The following PLAA variants were observed in gnomAD, a reference collection of about 807,000 sequenced individuals.
The protein encoded by PLAA is phospholipase A2 activating protein.
PLAA carries 48 observed loss-of-function variants against 84.1 expected under a neutral mutation model. The observed-to-expected ratio is 0.57, with a 90% CI of 0.45 to 0.73. The LOEUF is 0.73. PLAA is among the 30% of genes least tolerant of loss of function. The probability of loss-of-function intolerance (pLI) is 0.00; values close to 1 mark genes in which losing one functional copy is unlikely to be tolerated. For synonymous variants in PLAA, 392 were observed against 336.6 expected, an observed-to-expected ratio of 1.16 and a Z score of -1.80; for missense variants, 903 against 954.7, an observed-to-expected ratio of 0.95 and a Z score of 0.71.
intron 1 of PLAA, among the ~76,000 whole-genome samples, chr9:26,941,916 G>C (rs1375674620): frequency 1.3e-5 from 2 of 151,980 alleles, no homozygotes; most frequent in Non-Finnish European, 2.9e-5. Context: ...ATATTAAAAG[G>C]GCCCGCCAAT....
chr9:26,919,165 G>C (rs572746973), intron 9 of PLAA, 145 bp downstream of exon 9: 2 of 509,428 alleles, frequency 3.9e-6, no homozygotes, highest in South Asian at 3.9e-5. Flanking sequence ...ATCATTTGAG[G>C]CTTAAACATA....
chr9:26,946,810 G>T, intron 1 of PLAA, 87 bp downstream of exon 1: 2 of 1,410,324 alleles, frequency 1.4e-6, no homozygotes, highest in Middle Eastern at 1.8e-4. Flanking sequence ...AGAGAGAGAC[G>T]GCAGGACTGA....
At chr9:26,907,446 G>A (rs574861749) in intron 13 of PLAA, among the ~76,000 whole-genome samples, 10 of 151,770 alleles carry the variant, frequency 6.6e-5, no homozygotes, top group South Asian at 6.3e-4. Flanking sequence ...GGAGAACGGC[G>A]TGAACCCGGG....
In PLAA at chr9:26,905,436, A is replaced by T; in HGVS notation, c.*75T>A. On this transcript the variant is annotated 3_prime_UTR_variant, in exon 14 of 14. Transcript: ENST00000397292. Reference sequence around the variant, plus strand: ...TCCACCGTATTCTCTTTTTTTAATTATCTGTTATCAGTCATGTCAAATGTG... The same window carrying T: ...TCCACCGTATTCTCTTTTTTTAATTTTCTGTTATCAGTCATGTCAAATGTG... The T allele has an allele frequency of 1.8e-6, 2 of 1,081,684 alleles. No homozygotes were observed. The highest frequency in any genetic ancestry group is 4.6e-5 in the Admixed American group (2 of 43,152). 67.0% of individuals were successfully genotyped at this position (1,081,684 alleles called of 1,614,324 possible). A position where few individuals can be genotyped will look rare whatever the true frequency, so the allele number is the denominator to read the frequency against.
chr9:26,913,459 T>C (rs181907637), intron 11 of PLAA, among the ~76,000 whole-genome samples: 3 of 152,262 alleles, frequency 2.0e-5, no homozygotes, highest in African/African-American at 7.2e-5. Flanking sequence ...ATCCAGTGAA[T>C]AACATTCTCA....
In PLAA at chr9:26,917,119, T is replaced by G. The variant is rs770689186; in HGVS notation, c.1464A>C (p.Leu488=). 1.9e-6 allele frequency: 3 copies of G among 1,613,718 alleles called. No individual in the cohort carries two copies. The Admixed American group carries it at 5.0e-5, about 27-fold the overall frequency. ...VPGSSGSSNT[L]PTADPFTGAG... is the part of the protein sequence containing the mutation. The stretch of plus-strand genomic sequence containing the variant: ...CACCTGTAAAAGGATCTGCTGTGGG[T>G]AGTGTGTTAGAAGATCCCGAAGAGC... The change falls in exon 10 of 14, where the codon CTA becomes CTC. Residue 488 remains leucine (L), a synonymous_variant. Coordinates refer to ENST00000397292, the MANE Select transcript of PLAA (RefSeq NM_001031689.3).
intron 6 of PLAA, among the ~76,000 whole-genome samples, chr9:26,923,779 T>C (rs1824848849): frequency 6.6e-6 from 1 of 152,196 alleles, no homozygotes; most frequent in Non-Finnish European, 1.5e-5. Flanking sequence ...TGCCAGTAAC[T>C]AGCAATGTAA....
chr9:26,947,169 A>C lies in PLAA; in HGVS notation c.-124T>G. ...CAGGTAAGGGGCGGCCGGAGACCGG[A>C]AGAGCCCGAGAGCCGGTACGGAAGG... On this transcript the variant is annotated 5_prime_UTR_variant, in exon 1 of 14. Coordinates refer to ENST00000397292, the MANE Select transcript of PLAA (RefSeq NM_001031689.3). 8.4e-7 allele frequency: 1 copy of C among 1,189,252 alleles called. No individual in the cohort carries two copies. Among genetic ancestry groups the C allele is most frequent in the Non-Finnish European group, 1.1e-6 (1 of 894,564 alleles). 73.7% of individuals were successfully genotyped at this position (1,189,252 alleles called of 1,614,324 possible).
chr9:26,918,763 C>G (rs1411441889), intron 9 of PLAA, among the ~76,000 whole-genome samples: 1 of 152,118 alleles, frequency 6.6e-6, no homozygotes, highest in Admixed American at 6.5e-5. Flanking sequence ...GGATTAGATT[C>G]CACTTCCTAG....
intron 2 of PLAA, among the ~76,000 whole-genome samples, chr9:26,933,870 G>A (rs1429823303): frequency 5.3e-5 from 8 of 151,630 alleles, no homozygotes; most frequent in African/African-American, 1.5e-4. Context: ...GTGTGGTGGT[G>A]TGATCACAGC....
chr9:26,933,652 G>C (rs935556847), intron 2 of PLAA, among the ~76,000 whole-genome samples: 1 of 151,330 alleles, frequency 6.6e-6, no homozygotes, highest in African/African-American at 2.4e-5. Context: ...AGCCGGGCGT[G>C]GTAGCAGGCG....
intron 7 of PLAA, 149 bp from the exon 8 acceptor site, chr9:26,920,533 A>C (rs1824727165): frequency 5.6e-6 from 3 of 539,498 alleles, no homozygotes; most frequent in Non-Finnish European, 9.4e-6. Context: ...AAGATTTAAA[A>C]ATGTGGCCAA....
intron 2 of PLAA, among the ~76,000 whole-genome samples, chr9:26,934,602 C>A (rs563798491): frequency 6.6e-6 from 1 of 151,350 alleles, no homozygotes; most frequent in South Asian, 2.1e-4. Context: ...GCTTCAGCCT[C>A]CTGAGTAGCT....
chr9:26,918,716 C>T (rs1824656218), intron 9 of PLAA, among the ~76,000 whole-genome samples: 3 of 152,180 alleles, frequency 2.0e-5, no homozygotes, highest in Non-Finnish European at 2.9e-5. Flanking sequence ...TTTATTTCCT[C>T]CTACACCAGT....
chr9:26,915,077 T>C (rs931729113), intron 10 of PLAA, among the ~76,000 whole-genome samples: 4 of 152,174 alleles, frequency 2.6e-5, no homozygotes, highest in Non-Finnish European at 4.4e-5. Flanking sequence ...CTGGGCATGG[T>C]GGCACATGCC....
chr9:26,907,727 A>C, intron 13 of PLAA, 107 bp downstream of exon 13: 260 of 922,992 alleles, frequency 2.8e-4, no homozygotes, highest in Non-Finnish European at 4.0e-4. Flanking sequence ...GTGATTTAGA[A>C]CTACCGAAGT....
At chr9:26,920,159 G>C in intron 8 of PLAA, 68 bp downstream of exon 8, 3 of 1,342,076 alleles carry the variant, frequency 2.2e-6, no homozygotes. Flanking sequence ...ATCACTATGG[G>C]GCAAAGGAAA....
At chr9:26,939,708 G>A (rs950507398) in intron 1 of PLAA, among the ~76,000 whole-genome samples, 2 of 151,848 alleles carry the variant, frequency 1.3e-5, no homozygotes, top group Non-Finnish European at 2.9e-5. Flanking sequence ...GATGAAACAG[G>A]ATATTCCATG....
At chr9:26,927,985 T>G in intron 4 of PLAA, 115 bp downstream of exon 4, 1 of 1,131,998 alleles carries the variant, frequency 8.8e-7, no homozygotes, top group Non-Finnish European at 1.3e-6. Context: ...CTCAAATTAA[T>G]AGCTTAAATA....
Sources: gnomAD v4.1 joint callset for allele counts (sites outside exome capture counted in the v4.1 genomes callset) on GRCh38, gnomAD v4.1.1 for gene constraint, MANE v1.5 for transcripts, NCBI Gene and HGNC (gene_info 2026-07-23, HGNC 2026-07-21) for gene names.